The following MPRIP variants were observed in gnomAD, a reference collection of about 807,000 sequenced individuals.
MPRIP encodes the protein myosin phosphatase Rho-interacting protein.
Under a neutral mutation model 234.9 loss-of-function variants are expected in MPRIP, and 59 were observed. The observed-to-expected ratio is 0.25, with a 90% CI of 0.20 to 0.31. The LOEUF (loss-of-function observed/expected upper bound fraction) is 0.31. MPRIP is among the 10% of genes least tolerant of loss of function. MPRIP has a pLI of 1.00. For synonymous variants in MPRIP, 1,144 were observed against 1,263.9 expected (o/e 0.91, Z 2.01); for missense variants, 2,436 against 3,071.0 (o/e 0.79, Z 4.89).
intron 1 of MPRIP, among the ~76,000 whole-genome samples, chr17:17,070,488 G>A (rs2089166287): frequency 6.6e-6 from 1 of 152,078 alleles, no homozygotes; most frequent in Admixed American, 6.6e-5. Flanking sequence ...GATGATTTCT[G>A]TTGTTCTGTG....
chr17:17,064,663 T>C lies in MPRIP; in HGVS notation c.124-11047T>C, dbSNP rs535816736. Among the ~76,000 whole-genome samples, 43 of 152,310 alleles carry C rather than the reference T, an allele frequency of 2.8e-4. No individual in the cohort carries two copies. The South Asian group carries it at 8.7e-3, about 31-fold the overall frequency. ...TCATACAACCTGGAACCTTTGAGAT[T>C]GGCTTTTTTCACCTAGAATTCTCTG... On this transcript the variant is annotated intron_variant, in intron 1 of 23. Transcript: ENST00000651222.
chr17:17,086,029 C>T (rs1314520492), intron 3 of MPRIP, among the ~76,000 whole-genome samples: 4 of 152,236 alleles, frequency 2.6e-5, no homozygotes, highest in African/African-American at 9.6e-5. Flanking sequence ...TCTTCTTGTG[C>T]AATCATTTGA....
At position 17,145,462 on chromosome 17, in the gene MPRIP, G is replaced by A. The variant is rs575280059; in HGVS notation, c.1504-574G>A. On this transcript the variant is annotated intron_variant, in intron 9 of 23. Transcript: ENST00000651222. Reference sequence around the variant, plus strand: ...GCACAGGTGGAGGAAGGACAAGAGCGCTGTGCCTGGGCGCTGCCCCCCTGT... The same window carrying A: ...GCACAGGTGGAGGAAGGACAAGAGCACTGTGCCTGGGCGCTGCCCCCCTGT... Among the ~76,000 whole-genome samples the A allele has an allele frequency of 4.2e-4, 64 of 152,352 alleles. No individual in the cohort carries two copies. In the South Asian group the frequency reaches 5.0e-3, roughly 12 times the overall value.
At chr17:17,045,130 C>T (rs2088304703) in intron 1 of MPRIP, among the ~76,000 whole-genome samples, 1 of 152,178 alleles carries the variant, frequency 6.6e-6, no homozygotes, top group Non-Finnish European at 1.5e-5. Context: ...CTGCCCCTCC[C>T]AGCCTGGAGC....
At chr17:17,082,418 C>G (rs962231111) in intron 3 of MPRIP, among the ~76,000 whole-genome samples, 4 of 150,968 alleles carry the variant, frequency 2.6e-5, no homozygotes, top group African/African-American at 9.7e-5. Flanking sequence ...GCCTCAGCCT[C>G]CGGAGTAGCT....
chr17:17,163,023 A>T (rs1461637222), intron 15 of MPRIP, among the ~76,000 whole-genome samples: 3 of 152,202 alleles, frequency 2.0e-5, no homozygotes, highest in Non-Finnish European at 2.9e-5. Flanking sequence ...GCTGGTCTTT[A>T]ATACCTTTTC....
intron 22 of MPRIP, chr17:17,179,684 C>G (rs1007124950): frequency 4.0e-6 from 1 of 252,644 alleles, no homozygotes; most frequent in Non-Finnish European, 7.5e-6. Context: ...GGGGTCTGCT[C>G]AGCATTGAGG....
chr17:17,141,089 A>G (rs577979260), intron 7 of MPRIP, among the ~76,000 whole-genome samples: 3 of 151,144 alleles, frequency 2.0e-5, no homozygotes, highest in Admixed American at 2.0e-4. Flanking sequence ...CTCCACCACG[A>G]CTCCTCTGTC....
At chr17:17,073,428 T>C (rs529891300) in intron 1 of MPRIP, among the ~76,000 whole-genome samples, 55 of 152,342 alleles carry the variant, frequency 3.6e-4, no homozygotes, top group Admixed American at 1.2e-3. Flanking sequence ...GAACAGATGC[T>C]GATCCCTTGG....
rs766502184 is a variant in MPRIP, at chr17:17,142,734, G to T, written c.1358G>T (p.Arg453Leu). Reference protein sequence around the residue: ...PSPSSDTRQGRSEKRAFPRKR... With the variant: ...PSPSSDTRQGLSEKRAFPRKR... ...CCATCCAGCGACACACGCCAGGGCC[G>T]CAGCGAGAAGAGGGCGTTCCCTAGG... The change falls in exon 8 of 24, where the codon CGC becomes CTC. Residue 453 changes from arginine (R) to leucine (L), a missense_variant. By Grantham distance (102) the Arg-to-Leu change is moderately radical. Transcript: ENST00000651222. 6.2e-7 allele frequency: 1 copy of T among 1,612,626 alleles called. No homozygotes were observed. Among genetic ancestry groups the T allele is most frequent in the East Asian group, 2.2e-5 (1 of 44,882 alleles).
rs759696254 is a variant in MPRIP at position 17,176,546 on chromosome 17, G to C, written c.6957+34G>C. On this transcript the variant is annotated intron_variant, in intron 21 of 23. Transcript: ENST00000651222. ...ACCGCACCACAGGAGGGCGGGTACG[G>C]GAACAGGCTCTAGGTGACATGCGCC... 10 of 1,542,366 alleles carry C rather than the reference G, an allele frequency of 6.5e-6. No individual in the cohort carries two copies. In the South Asian group the frequency reaches 1.1e-4, roughly 17 times the overall value.
At chr17:17,057,342 A>G (rs1413071157) in intron 1 of MPRIP, among the ~76,000 whole-genome samples, 1 of 152,270 alleles carries the variant, frequency 6.6e-6, no homozygotes, top group Non-Finnish European at 1.5e-5. Context: ...GCTCGGAGGT[A>G]CACGCCTTCT....
chr17:17,120,403 C>T (rs1248017895), intron 3 of MPRIP, among the ~76,000 whole-genome samples: 1 of 152,138 alleles, frequency 6.6e-6, no homozygotes, highest in African/African-American at 2.4e-5. Context: ...TCACTCTGGC[C>T]TCTGACAAGA....
At chr17:17,096,291 GTGTGTGT>G (rs2089840679) in intron 3 of MPRIP, among the ~76,000 whole-genome samples, 4 of 1,688 alleles carry the variant, frequency 2.4e-3, no homozygotes, top group South Asian at 0.012. Flanking sequence ...TGTGCAGGGT[GTGTGTGT>G]GTGTGTGTGT....
At chr17:17,092,235 TC>T (rs1381693986) in intron 3 of MPRIP, among the ~76,000 whole-genome samples, 1 of 152,226 alleles carries the variant, frequency 6.6e-6, no homozygotes, top group Non-Finnish European at 1.5e-5. Context: ...CTCATTCACA[TC>T]ATCCATGTGG....
At chr17:17,172,963 C>G (rs866034519) in intron 18 of MPRIP, 148 bp downstream of exon 18, 5 of 649,384 alleles carry the variant, frequency 7.7e-6, no homozygotes, top group African/African-American at 5.5e-5. Context: ...CAGATGCCCT[C>G]TTGTCCAGTG....
At position 17,167,182 on chromosome 17, in the gene MPRIP, A is replaced by G. The variant is rs201694534; in HGVS notation, c.5591A>G (p.Gln1864Arg). ...RIRLEYEKEL[Q>R]LCKESWQTRE... ...CGGCTAGAATATGAGAAGGAGCTCC[A>G]GCTCTGCAAGGAGTCCTGGCAAACC... Residue 1864 changes from glutamine to arginine, a missense_variant, in exon 16 of 24, where the codon CAG becomes CGG. Around this residue, in one of 4 missense-constraint regions of MPRIP, gnomAD observed 1,998 missense variants for 2,520.3 expected, o/e 0.79. Coordinates refer to ENST00000651222, the MANE Select transcript of MPRIP (RefSeq NM_001364716.4). The surrounding 1 kb of genome is among the most constrained non-coding windows in gnomAD (Gnocchi z 5.9). 2.7e-4 allele frequency: 351 copies of G among 1,304,134 alleles called. 1 individual carries two copies. The highest frequency in any genetic ancestry group is 3.3e-4 in the Non-Finnish European group (327 of 988,932). 80.8% of individuals were successfully genotyped at this position (1,304,134 alleles called of 1,614,324 possible). A position where few individuals can be genotyped will look rare whatever the true frequency, so the allele number is the denominator to read the frequency against.
intron 3 of MPRIP, among the ~76,000 whole-genome samples, chr17:17,103,933 G>C (rs764454725): frequency 6.6e-6 from 1 of 152,124 alleles, no homozygotes; most frequent in Non-Finnish European, 1.5e-5. Context: ...TGGGAGACCA[G>C]GTGTTTTCTC....
intron 22 of MPRIP, 124 bp from the exon 23 acceptor site, chr17:17,179,879 T>TA: frequency 1.3e-6 from 1 of 754,536 alleles, no homozygotes; most frequent in Non-Finnish European, 2.2e-6. Flanking sequence ...TTAGAGTTGT[T>TA]TAAGGAATTG....
Sources: allele counts gnomAD v4.1 joint callset (sites outside exome capture counted in the v4.1 genomes callset), GRCh38; gene constraint gnomAD v4.1.1; regional missense constraint gnomAD v4.1.1; non-coding constraint Gnocchi (gnomAD v3.1); transcripts MANE v1.5; gene names NCBI Gene and HGNC (gene_info 2026-07-23, HGNC 2026-07-21).